RAI1: variants seen among roughly 807,000 people sequenced by gnomAD.
RAI1 encodes retinoic acid-induced protein 1.
A neutral mutation model predicts 123.8 loss-of-function variants in RAI1; 9 were observed. The observed-to-expected ratio is 0.07, with a 90% CI of 0.04 to 0.13. The LOEUF (loss-of-function observed/expected upper bound fraction) is 0.13. RAI1 is among the 10% of genes least tolerant of loss of function. The pLI is 1.00. For missense variants in RAI1, 2,256 were observed against 2,545.8 expected, an observed-to-expected ratio of 0.89 and a Z score of 2.45; for synonymous variants, 1,231 against 1,127.3, an observed-to-expected ratio of 1.09 and a Z score of -1.84.
intron 2 of RAI1, among the ~76,000 whole-genome samples, chr17:17,743,789 C>T (rs1916719047): frequency 6.6e-6 from 1 of 152,250 alleles, no homozygotes; most frequent in Non-Finnish European, 1.5e-5. Context: ...TTGTTACTAG[C>T]CTCTTGGCTG....
Position 17,810,064 on chromosome 17 carries a change from C to T in RAI1, c.*83C>T. On this transcript the variant is annotated 3_prime_UTR_variant, in exon 6 of 6. Transcript: ENST00000353383. This position sits in a 1 kb window ranked among gnomAD's most constrained non-coding sequence, Gnocchi z 4.6. ...AGGAGAGGAGCCGCCTGCGCAGCCCCCGGGCCTTTGAGCTGCTCCCAGCGC... is the reference window on the plus strand; with the variant it reads ...AGGAGAGGAGCCGCCTGCGCAGCCCTCGGGCCTTTGAGCTGCTCCCAGCGC... 20 of 1,524,948 alleles carry T rather than the reference C, an allele frequency of 1.3e-5. No individual in the cohort carries two copies. The highest frequency in any genetic ancestry group is 1.8e-5 in the Non-Finnish European group (20 of 1,133,972). 94.5% of individuals were successfully genotyped at this position (1,524,948 alleles called of 1,614,324 possible).
At chr17:17,694,969 C>T (rs1914973096) in intron 1 of RAI1, among the ~76,000 whole-genome samples, 1 of 152,062 alleles carries the variant, frequency 6.6e-6, no homozygotes, top group African/African-American at 2.4e-5. Flanking sequence ...CCTCGTTCTC[C>T]CACTCCCTGG....
chr17:17,767,707 A>ATC (rs2030994513), intron 2 of RAI1, among the ~76,000 whole-genome samples: 1 of 152,232 alleles, frequency 6.6e-6, no homozygotes, highest in African/African-American at 2.4e-5. Context: ...CCTAAGCCTC[A>ATC]GCCTTTGCCT....
At chr17:17,706,715 C>T (rs1266338567) in intron 1 of RAI1, among the ~76,000 whole-genome samples, 1 of 152,162 alleles carries the variant, frequency 6.6e-6, no homozygotes. Context: ...AATCACCCCT[C>T]CTGCCCATAG....
intron 2 of RAI1, among the ~76,000 whole-genome samples, chr17:17,790,127 C>T (rs2031960518): frequency 6.6e-6 from 1 of 152,026 alleles, no homozygotes; most frequent in African/African-American, 2.4e-5. Context: ...CCTTCTGTGT[C>T]CTGTCCTAGT....
chr17:17,716,864 G>A (rs1210687626), intron 1 of RAI1, among the ~76,000 whole-genome samples: 3 of 152,214 alleles, frequency 2.0e-5, no homozygotes, highest in Admixed American at 6.5e-5. Flanking sequence ...TAACCTCAGG[G>A]TGGGATGGCA....
At chr17:17,700,393 G>C (rs149181824) in intron 1 of RAI1, among the ~76,000 whole-genome samples, 370 of 151,800 alleles carry the variant, frequency 2.4e-3, no homozygotes, top group African/African-American at 8.7e-3. Flanking sequence ...CTCCCGGCTC[G>C]GGGCTCCAGC....
At chr17:17,699,637 G>A (rs540807743) in intron 1 of RAI1, among the ~76,000 whole-genome samples, 11 of 143,694 alleles carry the variant, frequency 7.7e-5, no homozygotes, top group South Asian at 2.3e-4. Context: ...GCCGGGGGGG[G>A]GGGAATCAAA....
At chr17:17,730,013 G>A (rs1184536258) in intron 2 of RAI1, among the ~76,000 whole-genome samples, 1 of 152,130 alleles carries the variant, frequency 6.6e-6, no homozygotes, top group Non-Finnish European at 1.5e-5. Context: ...TCAGAGGGGC[G>A]GGCAGAACAG....
chr17:17,796,678 CGCAGCAGCAGCA>C lies in RAI1; in HGVS notation c.3737_3748del (p.Ser1246_Ser1249del). On this transcript the variant is annotated inframe_deletion, in exon 3 of 6. Transcript: ENST00000353383. The surrounding 1 kb of genome is among the most constrained non-coding windows in gnomAD (Gnocchi z 5.8). ...GAAGCGGAACCTGGTCTTGCGGAGC[CGCAGCAGCAGCA>C]GCAGCAACGCCAGTGGCAATGGGGG... 6.2e-7 allele frequency: 1 copy of C among 1,612,180 alleles called. No homozygotes were observed.
At chr17:17,707,629 G>A (rs1237052041) in intron 1 of RAI1, among the ~76,000 whole-genome samples, 1 of 151,608 alleles carries the variant, frequency 6.6e-6, no homozygotes, top group Non-Finnish European at 1.5e-5. Context: ...GTCTCACTCT[G>A]TCACCCAGGT....
rs924165059 is a variant in RAI1, at chr17:17,681,524, C to T, written c.-418C>T. ...GGGTGCGCGGCCAAGGCCCGCTCCC[C>T]GCGTCCCCGGGCGCCGCCCCCGCCC... On this transcript the variant is annotated 5_prime_UTR_variant, in exon 1 of 6. Coordinates refer to ENST00000353383, the MANE Select transcript of RAI1 (RefSeq NM_030665.4). 4 of 174,462 alleles carry T rather than the reference C, an allele frequency of 2.3e-5. No homozygotes were observed. Among genetic ancestry groups the T allele is most frequent in the African/African-American group, 9.6e-5 (4 of 41,600 alleles). The allele number at this position is 174,462 out of a possible 1,614,324, so 10.8% of individuals were successfully genotyped here.
At chr17:17,743,971 G>A (rs1916726099) in intron 2 of RAI1, among the ~76,000 whole-genome samples, 1 of 152,264 alleles carries the variant, frequency 6.6e-6, no homozygotes, top group South Asian at 2.1e-4. Flanking sequence ...GAGACCAGCA[G>A]GAGCTCTGTC....
At chr17:17,717,693 C>T (rs71367412) in intron 1 of RAI1, among the ~76,000 whole-genome samples, 20,481 of 152,254 alleles carry the variant, frequency 0.13, 1,796 homozygotes, top group Middle Eastern at 0.21. Flanking sequence ...CCTCTGAACC[C>T]CAGGGCCTTG....
intron 1 of RAI1, among the ~76,000 whole-genome samples, chr17:17,708,230 G>A (rs539653722): frequency 6.6e-6 from 1 of 152,252 alleles, no homozygotes; most frequent in East Asian, 1.9e-4. Context: ...TTGACCCTGA[G>A]GTGGCAGCAG....
At chr17:17,699,241 G>A (rs1413988914) in intron 1 of RAI1, among the ~76,000 whole-genome samples, 2 of 152,142 alleles carry the variant, frequency 1.3e-5, no homozygotes, top group Non-Finnish European at 2.9e-5. Flanking sequence ...CCCTGCCAGG[G>A]CCCTCAAGAC....
chr17:17,684,632 T>G (rs568862884), intron 1 of RAI1: 5 of 149,956 alleles, frequency 3.3e-5, no homozygotes, highest in East Asian at 2.0e-4. Flanking sequence ...GTTAATAGTT[T>G]GAACGTATCC....
At position 17,809,140 on chromosome 17, in the gene RAI1, A is replaced by C; in HGVS notation, c.5660-250A>C. On this transcript the variant is annotated intron_variant, in intron 4 of 5. Coordinates refer to ENST00000353383, the MANE Select transcript of RAI1 (RefSeq NM_030665.4). This position sits in a 1 kb window ranked among gnomAD's most constrained non-coding sequence, Gnocchi z 4.9. ...CAAGTGAGGAGGGGCGGCACGTGGAACTCAGGGGGAAAAGCTCTCCGCGGA... is the reference window on the plus strand; with the variant it reads ...CAAGTGAGGAGGGGCGGCACGTGGACCTCAGGGGGAAAAGCTCTCCGCGGA... The C allele has an allele frequency of 3.5e-6, 2 of 574,290 alleles. No individual in the cohort carries two copies. Among genetic ancestry groups the C allele is most frequent in the South Asian group, 1.9e-5 (1 of 52,806 alleles). 35.6% of individuals were successfully genotyped at this position (574,290 alleles called of 1,614,324 possible). A position where few individuals can be genotyped will look rare whatever the true frequency, so the allele number is the denominator to read the frequency against.
At chr17:17,682,082 G>A (rs1276048932) in intron 1 of RAI1, among the ~76,000 whole-genome samples, 1 of 151,240 alleles carries the variant, frequency 6.6e-6, no homozygotes, top group Non-Finnish European at 1.5e-5. Flanking sequence ...GTGGGGGCAT[G>A]GGGGCGCGAG....
Sources: gnomAD v4.1 joint callset for allele counts (sites outside exome capture counted in the v4.1 genomes callset) on GRCh38, gnomAD v4.1.1 for gene constraint, Gnocchi (gnomAD v3.1) non-coding constraint, MANE v1.5 for transcripts, NCBI Gene and HGNC (gene_info 2026-07-23, HGNC 2026-07-21) for gene names.